GPR39: variants seen among roughly 807,000 people sequenced by gnomAD.
GPR39 encodes the protein zinc sensing receptor.
A neutral mutation model predicts 18.4 loss-of-function variants in GPR39; 23 were observed. That is an observed-to-expected ratio of 1.25 (90% CI 0.90 to 1.77). GPR39 has a LOEUF of 1.77. Ranked by LOEUF, GPR39 falls within the 40% of genes most tolerant of loss-of-function variation. The probability of loss-of-function intolerance (pLI) is 0.00; values close to 1 mark genes in which losing one functional copy is unlikely to be tolerated. For missense variants in GPR39, 647 were observed against 602.4 expected (o/e 1.07, Z -0.78); for synonymous variants, 280 against 257.9 (o/e 1.09, Z -0.82).
intron 1 of GPR39, among the ~76,000 whole-genome samples, chr2:132,524,746 T>A (rs973590580): frequency 3.3e-5 from 5 of 152,220 alleles, no homozygotes; most frequent in Admixed American, 1.3e-4. Context: ...CTGAATTTTT[T>A]AAAAAATAAA....
At chr2:132,471,697 C>A (rs1307336744) in intron 1 of GPR39, among the ~76,000 whole-genome samples, 2 of 148,770 alleles carry the variant, frequency 1.3e-5, no homozygotes, top group East Asian at 4.0e-4. Context: ...GCCTTAACTT[C>A]ACTTTCAATA....
intron 1 of GPR39, among the ~76,000 whole-genome samples, chr2:132,586,914 G>A (rs557767651): frequency 3.3e-5 from 5 of 152,302 alleles, no homozygotes; most frequent in East Asian, 3.9e-4. Flanking sequence ...CTTTCAGGTT[G>A]ATGTCCATCA....
At chr2:132,522,769 C>T (rs1379829855) in intron 1 of GPR39, among the ~76,000 whole-genome samples, 2 of 152,170 alleles carry the variant, frequency 1.3e-5, no homozygotes, top group Admixed American at 1.3e-4. Flanking sequence ...GGAAGCAGAG[C>T]CTCCTTCCCT....
chr2:132,619,830 GACAC>G (rs59907073), intron 1 of GPR39, among the ~76,000 whole-genome samples: 41 of 138,524 alleles, frequency 3.0e-4, no homozygotes, highest in East Asian at 2.3e-3. Flanking sequence ...CACAGACACA[GACAC>G]ACACACACAC....
At chr2:132,593,632 C>T (rs530519707) in intron 1 of GPR39, among the ~76,000 whole-genome samples, 11 of 152,036 alleles carry the variant, frequency 7.2e-5, no homozygotes, top group African/African-American at 1.2e-4. Context: ...ATGAACTGTG[C>T]TGAGGAAGGA....
intron 1 of GPR39, among the ~76,000 whole-genome samples, chr2:132,432,931 C>T (rs192493583): frequency 2.6e-5 from 4 of 152,198 alleles, no homozygotes; most frequent in Admixed American, 2.0e-4. Context: ...TATGGTAGGT[C>T]GTCATTGAAA....
chr2:132,583,486 G>A (rs2104825122), intron 1 of GPR39, among the ~76,000 whole-genome samples: 1 of 152,120 alleles, frequency 6.6e-6, no homozygotes, highest in South Asian at 2.1e-4. Context: ...TGTCTTTAGG[G>A]TGCCCTCTGA....
intron 1 of GPR39, among the ~76,000 whole-genome samples, chr2:132,530,108 A>C (rs1679586999): frequency 6.6e-6 from 1 of 152,170 alleles, no homozygotes; most frequent in African/African-American, 2.4e-5. Context: ...ACCTTAAAAA[A>C]AAAAATTAGA....
chr2:132,419,552 T>TA (rs1287864767), intron 1 of GPR39, among the ~76,000 whole-genome samples: 6 of 152,322 alleles, frequency 3.9e-5, no homozygotes, highest in African/African-American at 1.4e-4. Flanking sequence ...TTGGGAAGCG[T>TA]ACCCAACTCA....
chr2:132,620,474 A>G (rs1353990556), intron 1 of GPR39, among the ~76,000 whole-genome samples: 2 of 151,964 alleles, frequency 1.3e-5, no homozygotes, highest in African/African-American at 2.4e-5. Flanking sequence ...AGGCCACACC[A>G]TCTCCAGTTT....
Position 132,417,030 on chromosome 2 carries a change from G to A in GPR39, c.-13G>A, listed in dbSNP as rs1252477353. 2.5e-6 allele frequency: 4 copies of A among 1,610,702 alleles called. No homozygotes were observed. The South Asian group carries it at 3.3e-5, about 13-fold the overall frequency. On this transcript the variant is annotated 5_prime_UTR_variant, in exon 1 of 2. An upstream open reading frame in the 5' UTR gains an earlier in-frame stop. Transcript: ENST00000329321. Reference sequence around the variant, plus strand: ...AGAAAGTCTTTGGACCTGGTAGCCTGGTGCTCTTTCTCATGGCTTCACCCA... The same window carrying A: ...AGAAAGTCTTTGGACCTGGTAGCCTAGTGCTCTTTCTCATGGCTTCACCCA...
At chr2:132,513,308 A>G (rs1417517159) in intron 1 of GPR39, among the ~76,000 whole-genome samples, 7 of 151,926 alleles carry the variant, frequency 4.6e-5, no homozygotes, top group Non-Finnish European at 8.8e-5. Context: ...ACTAAAATAC[A>G]AAAAATTAGC....
At chr2:132,526,183 G>A (rs895772267) in intron 1 of GPR39, among the ~76,000 whole-genome samples, 14 of 152,186 alleles carry the variant, frequency 9.2e-5, no homozygotes, top group African/African-American at 3.1e-4. Context: ...GTAATGACAG[G>A]ACACTTCCCC....
At chr2:132,568,178 G>T (rs1383658846) in intron 1 of GPR39, among the ~76,000 whole-genome samples, 8 of 152,080 alleles carry the variant, frequency 5.3e-5, no homozygotes, top group Admixed American at 5.2e-4. Flanking sequence ...TTAAGATAGG[G>T]CAAACAATGC....
At chr2:132,613,828 G>A (rs746626855) in intron 1 of GPR39, among the ~76,000 whole-genome samples, 13 of 152,170 alleles carry the variant, frequency 8.5e-5, no homozygotes, top group Non-Finnish European at 1.2e-4. Context: ...AGGTCACAAA[G>A]TCCTCAAGGG....
chr2:132,576,479 C>T (rs1044496987), intron 1 of GPR39, among the ~76,000 whole-genome samples: 7 of 152,004 alleles, frequency 4.6e-5, no homozygotes, highest in African/African-American at 1.7e-4. Flanking sequence ...ATGGCAAAAC[C>T]CCATCTCTAC....
intron 1 of GPR39, among the ~76,000 whole-genome samples, chr2:132,498,056 TG>T (rs1409879967): frequency 1.3e-5 from 2 of 152,238 alleles, no homozygotes. Context: ...GTCATATTTT[TG>T]ATATTTAACT....
At chr2:132,537,438 C>T (rs1679777575) in intron 1 of GPR39, among the ~76,000 whole-genome samples, 1 of 151,940 alleles carries the variant, frequency 6.6e-6, no homozygotes, top group Non-Finnish European at 1.5e-5. Context: ...GAGAAATCCA[C>T]TGTTAGTCTG....
intron 1 of GPR39, among the ~76,000 whole-genome samples, chr2:132,437,499 G>A (rs1430473611): frequency 1.1e-4 from 16 of 152,066 alleles, no homozygotes; most frequent in African/African-American, 1.9e-4. Flanking sequence ...CTGCTCCCAC[G>A]GTGCTACCTC....
Sources: gnomAD v4.1 joint callset for allele counts (sites outside exome capture counted in the v4.1 genomes callset) on GRCh38, gnomAD v4.1.1 for gene constraint, MANE v1.5 for transcripts, NCBI Gene and HGNC (gene_info 2026-07-23, HGNC 2026-07-21) for gene names.